The following YIPF7 variants were observed in gnomAD, a reference collection of about 807,000 sequenced individuals.
The protein encoded by YIPF7 is protein YIPF7.
Under a neutral mutation model 27.2 loss-of-function variants are expected in YIPF7, and 35 were observed. The ratio of observed to expected loss-of-function variants is 1.29; its 90% CI spans 0.98 to 1.70. YIPF7 has a LOEUF of 1.70. Ranked by LOEUF, YIPF7 falls within the 40% of genes most tolerant of loss-of-function variation. The pLI, the probability that YIPF7 is intolerant of heterozygous loss-of-function variation, is 0.00. For synonymous variants in YIPF7, 137 were observed against 110.4 expected, an observed-to-expected ratio of 1.24 and a Z score of -1.51; for missense variants, 358 against 303.7, an observed-to-expected ratio of 1.18 and a Z score of -1.33.
At chr4:44,635,744 T>C (rs1461032375) in intron 3 of YIPF7, among the ~76,000 whole-genome samples, 178 bp downstream of exon 3, 2 of 152,186 alleles carry the variant, frequency 1.3e-5, no homozygotes, top group South Asian at 2.1e-4. Context: ...ATTTCCCCTA[T>C]GCAAACATGC....
chr4:44,646,614 T>C lies in YIPF7; in HGVS notation c.116+3371A>G, dbSNP rs1713534186. 2.0e-5 allele frequency among the ~76,000 whole-genome samples: 3 copies of C among 152,192 alleles called. No individual in the cohort carries two copies. The South Asian group carries it at 6.2e-4, about 32-fold the overall frequency. On this transcript the variant is annotated intron_variant, in intron 2 of 5. Coordinates refer to ENST00000415895, the MANE Select transcript of YIPF7 (RefSeq NM_182592.3). ...TGGTTGGAAATTATCCCTATCTGAA[T>C]GGCTGAATAATTATGTTTTTAAAAA...
At chr4:44,642,943 T>C (rs142582463) in intron 2 of YIPF7, among the ~76,000 whole-genome samples, 1,681 of 152,256 alleles carry the variant, frequency 0.011, 35 homozygotes, top group South Asian at 0.061. Context: ...AGTGTAAGAA[T>C]GGCCTAATAC....
chr4:44,638,013 C>T (rs936399509), intron 2 of YIPF7, among the ~76,000 whole-genome samples: 2 of 151,920 alleles, frequency 1.3e-5, no homozygotes, highest in Non-Finnish European at 2.9e-5. Context: ...AAAAAATTCC[C>T]ATCAAAAAGT....
Position 44,624,843 on chromosome 4 carries a change from A to G in YIPF7, c.427-61T>C, listed in dbSNP as rs542917133. The stretch of plus-strand genomic sequence containing the variant: ...CAATGGACACCGAGAGGAAATCTGA[A>G]TATCATGAAGCAGAGAGCATCTTAG... On this transcript the variant is annotated intron_variant, in intron 4 of 5. Coordinates refer to ENST00000415895, the MANE Select transcript of YIPF7 (RefSeq NM_182592.3). The G allele has an allele frequency of 1.5e-3, 2,221 of 1,466,256 alleles. 10 individuals are homozygous for G. Among genetic ancestry groups the G allele is most frequent in the Admixed American group, 4.7e-3 (223 of 47,670 alleles). The allele number at this position is 1,466,256 out of a possible 1,614,324, so 90.8% of individuals were successfully genotyped here. A position where few individuals can be genotyped will look rare whatever the true frequency, so the allele number is the denominator to read the frequency against.
chr4:44,659,929 G>C (rs58458285), intron 2 of YIPF7, among the ~76,000 whole-genome samples: 82,159 of 150,936 alleles, frequency 0.54, 23,337 homozygotes, highest in Non-Finnish European at 0.64. Context: ...CTGGCTAACA[G>C]GGTGAAACCC....
intron 5 of YIPF7, 140 bp from the exon 6 acceptor site, chr4:44,622,716 C>A: frequency 9.0e-7 from 1 of 1,115,644 alleles, no homozygotes. Context: ...AATATATGAA[C>A]AAAAGCCCTT....
chr4:44,651,944 T>G (rs1049031245), upstream of YIPF7, among the ~76,000 whole-genome samples: 1 of 152,190 alleles, frequency 6.6e-6, no homozygotes, highest in Non-Finnish European at 1.5e-5. Context: ...CCTAATAATA[T>G]GCAGTAAAAA....
chr4:44,656,826 TC>T (rs1560331970), intron 2 of YIPF7, among the ~76,000 whole-genome samples: 2 of 152,152 alleles, frequency 1.3e-5, no homozygotes, highest in Non-Finnish European at 2.9e-5. Context: ...AGCATTCATG[TC>T]TTATTTTACA....
At chr4:44,650,221 C>A in intron 1 of YIPF7, 120 bp from the exon 2 acceptor site, 1 of 699,406 alleles carries the variant, frequency 1.4e-6, no homozygotes. Context: ...AAAAAGATGT[C>A]CTTTGAATGG....
chr4:44,624,414 T>C (rs1712550179), intron 5 of YIPF7, among the ~76,000 whole-genome samples, 187 bp downstream of exon 5: 2 of 152,122 alleles, frequency 1.3e-5, no homozygotes, highest in Admixed American at 6.5e-5. Flanking sequence ...TTTTAAGTAA[T>C]TGAAGTAAGA....
upstream of YIPF7, among the ~76,000 whole-genome samples, chr4:44,653,326 T>C (rs1413317169): frequency 2.6e-5 from 4 of 152,070 alleles, no homozygotes; most frequent in South Asian, 2.1e-4. Flanking sequence ...TAGTATAAAA[T>C]GTGATGATTC....
chr4:44,649,855 A>T, intron 2 of YIPF7, 130 bp downstream of exon 2: 1 of 591,710 alleles, frequency 1.7e-6, no homozygotes, highest in Non-Finnish European at 2.9e-6. Context: ...TTGTGGGTCT[A>T]GTTTAGAGGG....
intron 3 of YIPF7, among the ~76,000 whole-genome samples, chr4:44,634,454 C>A (rs1006275950): frequency 1.2e-4 from 18 of 152,046 alleles, no homozygotes; most frequent in Admixed American, 6.6e-5. Context: ...ATCGCTTGAA[C>A]CCGGGAGGCA....
intron 2 of YIPF7, among the ~76,000 whole-genome samples, 200 bp downstream of exon 2, chr4:44,649,785 T>C (rs938494962): frequency 4.6e-5 from 7 of 152,058 alleles, no homozygotes; most frequent in Non-Finnish European, 5.9e-5. Context: ...TGACACTTTG[T>C]TGCCTAAAGT....
At chr4:44,638,294 C>T (rs575556237) in intron 2 of YIPF7, among the ~76,000 whole-genome samples, 123 of 150,274 alleles carry the variant, frequency 8.2e-4, no homozygotes, top group African/African-American at 2.8e-3. Flanking sequence ...GGGCCAAAGC[C>T]AGATGGAGCT....
rs1415626290 is a variant in YIPF7 at position 44,650,012 on chromosome 4, G to C, written c.89C>G (p.Ala30Gly). The change falls in exon 2 of 6, where the codon GCC becomes GGC. Residue 30 changes from alanine to glycine, a missense_variant. By Grantham distance (60) the Ala-to-Gly change is moderately conservative (BLOSUM62 0). Coordinates refer to ENST00000415895, the MANE Select transcript of YIPF7 (RefSeq NM_182592.3). ...NQEQSGNDSN[A>G]YGNLYGSRKQ... ...TCTAGATCCATAAAGATTTCCATAG[G>C]CATTAGAGTCATTACCACTCTGCTC... 1 of 1,578,034 alleles carries C rather than the reference G, an allele frequency of 6.3e-7. No homozygotes were observed. Among genetic ancestry groups the C allele is most frequent in the East Asian group, 2.3e-5 (1 of 43,758 alleles).
Position 44,624,821 on chromosome 4 carries a change from T to C in YIPF7, c.427-39A>G, listed in dbSNP as rs1264755932. ...AAGAAAAAACAGTTTGAACACACAA[T>C]GGACACCGAGAGGAAATCTGAATAT... On this transcript the variant is annotated intron_variant, in intron 4 of 5. Coordinates refer to ENST00000415895, the MANE Select transcript of YIPF7 (RefSeq NM_182592.3). 6.0e-5 allele frequency: 93 copies of C among 1,555,164 alleles called. 1 individual carries two copies. The highest frequency in any genetic ancestry group is 7.8e-5 in the Non-Finnish European group (90 of 1,146,858).
intron 2 of YIPF7, among the ~76,000 whole-genome samples, chr4:44,637,159 T>G (rs1368500622): frequency 6.6e-6 from 1 of 152,214 alleles, no homozygotes; most frequent in Non-Finnish European, 1.5e-5. Context: ...TGGTGGATAC[T>G]AGGTTAATTT....
chr4:44,632,896 G>A (rs141943160), intron 3 of YIPF7, among the ~76,000 whole-genome samples: 2,076 of 152,110 alleles, frequency 0.014, 24 homozygotes, highest in Middle Eastern at 0.031. Context: ...CCCAATCCCC[G>A]GGCCGTGGAC....
Sources: gnomAD v4.1 joint callset for allele counts (sites outside exome capture counted in the v4.1 genomes callset) on GRCh38, gnomAD v4.1.1 for gene constraint, MANE v1.5 for transcripts, NCBI Gene and HGNC (gene_info 2026-07-23, HGNC 2026-07-21) for gene names.